MYNN: variants seen among roughly 807,000 people sequenced by gnomAD.
MYNN encodes myoneurin.
In MYNN, 22 loss-of-function variants were observed where a neutral mutation model predicts 57.2. That is an observed-to-expected ratio of 0.38 (90% CI 0.27 to 0.55). The LOEUF is 0.55. MYNN is among the 20% of genes least tolerant of loss of function. The pLI is 0.71. For missense variants in MYNN, 566 were observed against 723.1 expected (o/e 0.78, Z 2.49); for synonymous variants, 241 against 257.1 (o/e 0.94, Z 0.60).
chr3:169,779,611 G>A (rs34594906), intron 3 of MYNN, 50 bp downstream of exon 3: 26 of 1,545,694 alleles, frequency 1.7e-5, no homozygotes, highest in Admixed American at 9.3e-5. Context: ...GACTAATATA[G>A]TGTATTTTTA....
chr3:169,774,567 G>T lies in MYNN; in HGVS notation c.266+6G>T, dbSNP rs751268494. ...GGAACTTTAAATCTTGACAGGTAAA[G>T]TACACATTTTATTTTCAGTTATAAA... On this transcript the variant is annotated splice_donor_region_variant and intron_variant, in intron 2 of 7. Transcript: ENST00000349841. 1 of 1,603,008 alleles carries T rather than the reference G, an allele frequency of 6.2e-7. No individual in the cohort carries two copies. The highest frequency in any genetic ancestry group is 1.3e-5 in the African/African-American group (1 of 74,548).
chr3:169,788,814 G>A lies in MYNN; in HGVS notation c.*2136G>A, dbSNP rs1473790833. The A allele has an allele frequency of 6.6e-6, 1 of 152,096 alleles. No individual in the cohort carries two copies. Among genetic ancestry groups the A allele is most frequent in the Non-Finnish European group, 1.5e-5 (1 of 67,982 alleles). 9.4% of individuals were successfully genotyped at this position (152,096 alleles called of 1,614,324 possible). On this transcript the variant is annotated 3_prime_UTR_variant, in exon 8 of 8. Transcript: ENST00000349841. ...CTGCTCTTCTAGAATGATGTGTAGA[G>A]AAAACTTGAAGATACTATCCCTTCT...
At position 169,782,407 on chromosome 3, in the gene MYNN, C is replaced by T. The variant is rs185299015; in HGVS notation, c.1221-58C>T. 4.4e-5 allele frequency: 61 copies of T among 1,376,036 alleles called. No homozygotes were observed. In the African/African-American group the frequency reaches 7.9e-4, roughly 18 times the overall value. The allele number at this position is 1,376,036 out of a possible 1,614,324, so 85.2% of individuals were successfully genotyped here. A position where few individuals can be genotyped will look rare whatever the true frequency, so the allele number is the denominator to read the frequency against. The stretch of plus-strand genomic sequence containing the variant: ...AAATCTATAAAAAACTTTATGAATT[C>T]TTGCTATATAGACTGACCTCCAAAT... On this transcript the variant is annotated intron_variant, in intron 4 of 7. Coordinates refer to ENST00000349841, the MANE Select transcript of MYNN (RefSeq NM_018657.5). This position sits in a 1 kb window ranked among gnomAD's most constrained non-coding sequence, Gnocchi z 4.8.
Position 169,780,747 on chromosome 3 carries a change from A to G in MYNN, c.1218A>G (p.Ala406=), listed in dbSNP as rs1577397855. 1 of 1,597,700 alleles carries G rather than the reference A, an allele frequency of 6.3e-7. No individual in the cohort carries two copies. The highest frequency in any genetic ancestry group is 1.1e-5 in the South Asian group (1 of 87,498). The change falls in exon 4 of 8, where the codon GCA becomes GCG. Residue 406 remains alanine (A), a splice_region_variant and synonymous_variant. Transcript: ENST00000349841. The part of the protein sequence containing the change: ...FATSSNLKIH[A]RKHSGEKPYV... The stretch of plus-strand genomic sequence containing the variant: ...CTTCTAGCAATCTCAAGATTCATGC[A>G]AGGTAAAAAACCAAATGAGTTGTTT...
chr3:169,784,188 G>A (rs1400576714), intron 6 of MYNN, among the ~76,000 whole-genome samples: 1 of 152,022 alleles, frequency 6.6e-6, no homozygotes, highest in Non-Finnish European at 1.5e-5. Context: ...CCAAAGAAGT[G>A]TAATATTGTA....
intron 3 of MYNN, 138 bp from the exon 4 acceptor site, chr3:169,780,452 G>A (rs781759879): frequency 1.6e-5 from 9 of 573,502 alleles, no homozygotes; most frequent in Non-Finnish European, 2.6e-5. Flanking sequence ...CAGTGGTCTG[G>A]AAAAGATTAT....
chr3:169,783,645 T>G, intron 6 of MYNN, 85 bp downstream of exon 6: 1 of 887,276 alleles, frequency 1.1e-6, no homozygotes, highest in South Asian at 1.4e-5. Flanking sequence ...CATTATGGAC[T>G]ATATGGTATT....
chr3:169,780,262 G>A (rs902433228), intron 3 of MYNN: 4 of 166,120 alleles, frequency 2.4e-5, no homozygotes, highest in Admixed American at 6.4e-5. Context: ...GTTTCACCAT[G>A]TTAGCCAGGA....
At position 169,776,681 on chromosome 3, in the gene MYNN, C is replaced by A. The variant is rs138456601; in HGVS notation, c.267-2087C>A. On this transcript the variant is annotated intron_variant, in intron 2 of 7. Transcript: ENST00000349841. ...AAATAGTTTGTATGAATTACCATTT[C>A]AATGTTGAACAAATTTTTTTTTTTT... is the stretch of plus-strand genomic sequence containing the variant. Among the ~76,000 whole-genome samples the A allele has an allele frequency of 1.7e-3, 238 of 136,636 alleles. 3 individuals are homozygous for A. The highest frequency in any genetic ancestry group is 0.012 in the Admixed American group (159 of 13,306). 89.6% of individuals were successfully genotyped at this position (136,636 alleles called of 152,430 possible).
Position 169,779,076 on chromosome 3 carries a change from G to A in MYNN, c.575G>A (p.Gly192Glu), listed in dbSNP as rs191325753. The A allele has an allele frequency of 1.1e-5, 17 of 1,614,076 alleles. No individual in the cohort carries two copies. The East Asian group carries it at 3.8e-4, about 36-fold the overall frequency. The change falls in exon 3 of 8, where the codon GGG (glycine) becomes GAG (glutamate). Residue 192 changes from glycine to glutamate, a missense_variant. Transcript: ENST00000349841. ...AAGGCTTTCAACTCCCCGAAAACAG[G>A]GCAGAATAAAACAGTGCAATATCCC... ...KKKAFNSPKT[G>E]QNKTVQYPSD...
In MYNN at chr3:169,786,903, C is replaced by G. The variant is rs529069937; in HGVS notation, c.*225C>G. 2.1e-6 allele frequency: 1 copy of G among 465,444 alleles called. No individual in the cohort carries two copies. Among genetic ancestry groups the G allele is most frequent in the Admixed American group, 3.5e-5 (1 of 28,322 alleles). The allele number at this position is 465,444 out of a possible 1,614,324, so 28.8% of individuals were successfully genotyped here. ...TTTTTAAGTAATGAATTATGTAGCA[C>G]TATTTTGGGTGGATGAGTTTTATTT... On this transcript the variant is annotated 3_prime_UTR_variant, in exon 8 of 8. Transcript: ENST00000349841.
Position 169,780,575 on chromosome 3 carries a change from T to G in MYNN, c.1061-15T>G, listed in dbSNP as rs1778481373. The G allele has an allele frequency of 1.3e-6, 2 of 1,568,768 alleles. No homozygotes were observed. The highest frequency in any genetic ancestry group is 2.8e-5 in the African/African-American group (2 of 72,380). ...CACTATTTTCTTCTAAATATAAATTTTATTGTTCCTTTAGGTGAGAAGCCA... is the reference window on the plus strand; with the variant it reads ...CACTATTTTCTTCTAAATATAAATTGTATTGTTCCTTTAGGTGAGAAGCCA... On this transcript the variant is annotated splice_polypyrimidine_tract_variant and intron_variant, in intron 3 of 7. Transcript: ENST00000349841.
At chr3:169,785,248 G>A (rs950003865) in intron 7 of MYNN, among the ~76,000 whole-genome samples, 23 of 152,066 alleles carry the variant, frequency 1.5e-4, no homozygotes, top group East Asian at 1.3e-3. Flanking sequence ...ATTTTATTCC[G>A]TCATTATTCG....
At chr3:169,774,081 T>A (rs1004153760) in intron 1 of MYNN, 184 bp from the exon 2 acceptor site, 2 of 564,128 alleles carry the variant, frequency 3.5e-6, no homozygotes, top group Non-Finnish European at 6.3e-6. Context: ...TCCAAAGGAT[T>A]GTGTTAGTTG....
At chr3:169,773,549 C>G (rs1486166904) in intron 1 of MYNN, 87 bp downstream of exon 1, 1 of 152,634 alleles carries the variant, frequency 6.6e-6, no homozygotes, top group African/African-American at 2.4e-5. Flanking sequence ...AGTTCCAGCA[C>G]GGGTCGGGGC....
intron 2 of MYNN, chr3:169,778,347 C>G (rs1778408515): frequency 6.3e-6 from 1 of 158,136 alleles, no homozygotes; most frequent in African/African-American, 2.4e-5. Flanking sequence ...CACAGGGGAG[C>G]AGGAGAAAAT....
Position 169,779,197 on chromosome 3 carries a change from T to G in MYNN, c.696T>G (p.Asn232Lys). The G allele has an allele frequency of 6.2e-7, 1 of 1,614,170 alleles. No individual in the cohort carries two copies. The highest frequency in any genetic ancestry group is 1.3e-5 in the African/African-American group (1 of 75,054). ...VVEQVAQINDNSELELTSVVE... is the reference protein window; with the variant it reads ...VVEQVAQINDKSELELTSVVE... Reference sequence around the variant, plus strand: ...AACAAGTTGCACAAATAAATGATAATTCAGAACTCGAGTTGACATCAGTTG... The same window carrying G: ...AACAAGTTGCACAAATAAATGATAAGTCAGAACTCGAGTTGACATCAGTTG... Residue 232 changes from asparagine to lysine, a missense_variant, in exon 3 of 8, where the codon AAT becomes AAG. Asn to Lys is a moderately conservative substitution (Grantham distance 94). Transcript: ENST00000349841.
intron 7 of MYNN, among the ~76,000 whole-genome samples, chr3:169,785,089 A>G (rs1778638457): frequency 6.9e-6 from 1 of 145,490 alleles, no homozygotes; most frequent in Non-Finnish European, 1.5e-5. Flanking sequence ...GGGTGGTGTT[A>G]TCATGAACAC....
chr3:169,779,683 A>G (rs757665670), intron 3 of MYNN, 122 bp downstream of exon 3: 10 of 986,252 alleles, frequency 1.0e-5, no homozygotes, highest in Non-Finnish European at 1.3e-5. Flanking sequence ...TATTCATCAA[A>G]GTATTTAACA....
Sources: allele counts gnomAD v4.1 joint callset (sites outside exome capture counted in the v4.1 genomes callset), GRCh38; gene constraint gnomAD v4.1.1; non-coding constraint Gnocchi (gnomAD v3.1); transcripts MANE v1.5; gene names NCBI Gene and HGNC (gene_info 2026-07-23, HGNC 2026-07-21).